The following PPFIA3 variants were observed in gnomAD, a reference collection of about 807,000 sequenced individuals.
PPFIA3 encodes the protein PPFI scaffold protein A3.
Under a neutral mutation model 145.8 loss-of-function variants are expected in PPFIA3, and 26 were observed. The ratio of observed to expected loss-of-function variants is 0.18; its 90% confidence interval spans 0.13 to 0.25. PPFIA3 has a LOEUF of 0.25. Ranked by LOEUF, PPFIA3 falls within the 10% of genes least tolerant of loss-of-function variation. The pLI is 1.00. For synonymous variants in PPFIA3, 645 were observed against 661.4 expected (o/e 0.98, Z 0.38); for missense variants, 1,008 against 1,587.8 (o/e 0.63, Z 6.21).
rs572223315 is a variant in PPFIA3 at position 49,136,569 on chromosome 19, ACT to A, written c.1666-152_1666-151del. Among the ~76,000 whole-genome samples, 7 of 152,128 alleles carry A rather than the reference ACT, an allele frequency of 4.6e-5. No individual in the cohort carries two copies. In the East Asian group the frequency reaches 1.2e-3, roughly 25 times the overall value. Reference sequence around the variant, plus strand: ...ACTCCAGCCTGGGCGACAGAATGAGACTCTGTCTCAAGAAAAAATAAATAAAA... The same window carrying A: ...ACTCCAGCCTGGGCGACAGAATGAGACTGTCTCAAGAAAAAATAAATAAAA... On this transcript the variant is annotated intron_variant, in intron 14 of 29. Transcript: ENST00000334186.
In PPFIA3 at chr19:49,134,711, C is replaced by T. The variant is rs779411322; in HGVS notation, c.1440+10C>T. On this transcript the variant is annotated intron_variant, in intron 12 of 29. Coordinates refer to ENST00000334186, the MANE Select transcript of PPFIA3 (RefSeq NM_003660.4). Reference sequence around the variant, plus strand: ...GTTGCTGCTAAACAAGGTAGGGGGCCCTGAGGGGACAGGAGGAGGATGTTG... The same window carrying T: ...GTTGCTGCTAAACAAGGTAGGGGGCTCTGAGGGGACAGGAGGAGGATGTTG... 6 of 1,613,548 alleles carry T rather than the reference C, an allele frequency of 3.7e-6. No homozygotes were observed. The African/African-American group carries it at 8.0e-5, about 22-fold the overall frequency.
Position 49,133,009 on chromosome 19 carries a change from G to A in PPFIA3, c.888G>A (p.Ala296=). The A allele has an allele frequency of 6.2e-7, 1 of 1,611,492 alleles. No homozygotes were observed. The highest frequency in any genetic ancestry group is 8.5e-7 in the Non-Finnish European group (1 of 1,179,510). The change falls in exon 8 of 30, where the codon GCG becomes GCA. Residue 296 remains alanine (A), a synonymous_variant. Transcript: ENST00000334186. The surrounding 1 kb of genome is among the most constrained non-coding windows in gnomAD (Gnocchi z 7.2). Reference sequence around the variant, plus strand: ...CTTTGCTACCTCCGCAGGCGCTGGCGCAGCGGGAAGATATGGAGGAGCGGA... The same window carrying A: ...CTTTGCTACCTCCGCAGGCGCTGGCACAGCGGGAAGATATGGAGGAGCGGA... The part of the protein sequence containing the change: ...KLQRDLKEAL[A]QREDMEERIT...
In PPFIA3 at chr19:49,148,976, G is replaced by A. The variant is rs1373818832; in HGVS notation, c.3110-17G>A. ...GGCCACGGGAGGGGCACGGCTGAGG[G>A]TCCCTTCCGTCCCCAGACGTGATGG... On this transcript the variant is annotated splice_polypyrimidine_tract_variant and intron_variant, in intron 25 of 29. Transcript: ENST00000334186. 1 of 1,611,722 alleles carries A rather than the reference G, an allele frequency of 6.2e-7. No homozygotes were observed. The highest frequency in any genetic ancestry group is 2.2e-5 in the East Asian group (1 of 44,866).
intron 18 of PPFIA3, among the ~76,000 whole-genome samples, chr19:49,140,647 T>C (rs2041208971): frequency 8.1e-6 from 1 of 123,552 alleles, no homozygotes; most frequent in Non-Finnish European, 1.7e-5. Context: ...ACCTTTTTTT[T>C]TTTTTTTTTT....
At position 49,134,141 on chromosome 19, in the gene PPFIA3, G is replaced by C. The variant is rs774937474; in HGVS notation, c.1353G>C (p.Glu451Asp). ...SNERLQLHLK[E>D]RMGALEEKNS... ...AGCGCTTACAGCTTCACCTCAAGGA[G>C]CGCATGGGGGCGCTGGAGGAGAAGG... Residue 451 changes from glutamate (E) to aspartate (D), a missense_variant, in exon 11 of 30, where the codon GAG becomes GAC. By Grantham distance (45) the Glu-to-Asp change is conservative. Around this residue, in one of 11 missense-constraint regions of PPFIA3, gnomAD observed 1 missense variants for 19.3 expected, o/e 0.05. Transcript: ENST00000334186. The C allele has an allele frequency of 6.2e-7, 1 of 1,611,638 alleles. No individual in the cohort carries two copies. The highest frequency in any genetic ancestry group is 8.5e-7 in the Non-Finnish European group (1 of 1,179,216).
chr19:49,140,005 G>A lies in PPFIA3; in HGVS notation c.2285G>A (p.Ser762Asn). 1 of 1,614,192 alleles carries A rather than the reference G, an allele frequency of 6.2e-7. No homozygotes were observed. The highest frequency in any genetic ancestry group is 8.5e-7 in the Non-Finnish European group (1 of 1,180,032). ...CTGCACAAAGCCCCCAAGAAGAAGA[G>A]CATCAAGTCATCCATAGGCCGTCTC... ...DSLHKAPKKK[S>N]IKSSIGRLFG... The change falls in exon 18 of 30, where the codon AGC becomes AAC. Residue 762 changes from serine (S) to asparagine (N), a missense_variant. Transcript: ENST00000334186.
intron 23 of PPFIA3, 120 bp downstream of exon 23, chr19:49,146,312 G>C (rs922952457): frequency 1.6e-6 from 2 of 1,275,800 alleles, no homozygotes; most frequent in Non-Finnish European, 1.1e-6. Context: ...ATGGGGGGGC[G>C]CTGCGCCAAG....
At chr19:49,129,952 C>G (rs1211805931) in intron 5 of PPFIA3, 41 bp from the exon 6 acceptor site, 2 of 1,600,718 alleles carry the variant, frequency 1.2e-6, no homozygotes, top group Non-Finnish European at 1.7e-6. Context: ...GCTGGGGGTT[C>G]AGGGAGCCCC....
In PPFIA3 at chr19:49,145,970, G is replaced by A. The variant is rs2041275020; in HGVS notation, c.2773G>A (p.Glu925Lys). Residue 925 changes from glutamate (E) to lysine (K), a missense_variant, in exon 22 of 30, where the codon GAG (glutamate) becomes AAG (lysine). Glu to Lys is a moderately conservative substitution (Grantham distance 56, BLOSUM62 1). This residue lies in a region of PPFIA3 where 154 missense variants were observed against 369.2 expected (regional missense o/e 0.42). Transcript: ENST00000334186. ...TSTGNVWMTH[E>K]EMESLTATTK... is the part of the protein sequence containing the mutation. ...CACAGGAAACGTGTGGATGACACAC[G>A]AGGAGATGGAGTCCCTTACGGCCAC... is the stretch of plus-strand genomic sequence containing the variant. 2 of 1,614,058 alleles carry A rather than the reference G, an allele frequency of 1.2e-6. No individual in the cohort carries two copies. Among genetic ancestry groups the A allele is most frequent in the South Asian group, 1.1e-5 (1 of 91,078 alleles).
chr19:49,132,505 G>C (rs1199562589), intron 7 of PPFIA3, among the ~76,000 whole-genome samples: 1 of 151,394 alleles, frequency 6.6e-6, no homozygotes, highest in African/African-American at 2.4e-5. Context: ...CACCACGTGG[G>C]CTACCAGATG....
Position 49,135,908 on chromosome 19 carries a change from G to C in PPFIA3, c.1650G>C (p.Lys550Asn). 1 of 1,612,226 alleles carries C rather than the reference G, an allele frequency of 6.2e-7. No homozygotes were observed. The highest frequency in any genetic ancestry group is 8.5e-7 in the Non-Finnish European group (1 of 1,179,212). Residue 550 changes from lysine (K) to asparagine (N), a missense_variant, in exon 14 of 30, where the codon AAG becomes AAC. This residue lies in a region of PPFIA3 where 121 missense variants were observed against 138.2 expected (regional missense o/e 0.88). Transcript: ENST00000334186. ...AGAGGGGCCGCTGGTCAGGGGTCAA[G>C]GAGGAGCCCTCCAAGGTCAGCAGCT... ...AGKRGRWSGV[K>N]EEPSKDWERS...
intron 1 of PPFIA3, among the ~76,000 whole-genome samples, chr19:49,123,944 C>G (rs948226343): frequency 2.6e-5 from 4 of 152,150 alleles, no homozygotes; most frequent in Non-Finnish European, 5.9e-5. Flanking sequence ...GCTCTCTCTT[C>G]TTCTGGAGCC....
chr19:49,147,039 GGAGGC>G (rs113284192), intron 23 of PPFIA3, among the ~76,000 whole-genome samples: 2 of 152,318 alleles, frequency 1.3e-5, no homozygotes, highest in African/African-American at 4.8e-5. Flanking sequence ...CCAGCCAGGG[GGAGGC>G]GTGGATTTTG....
chr19:49,125,877 C>T (rs1194997916), intron 1 of PPFIA3, among the ~76,000 whole-genome samples: 1 of 150,232 alleles, frequency 6.7e-6, no homozygotes, highest in Non-Finnish European at 1.5e-5. Context: ...ACTTCTGGGT[C>T]GTGAAGAGGG....
intron 23 of PPFIA3, 91 bp downstream of exon 23, chr19:49,146,283 A>G: frequency 2.3e-5 from 34 of 1,460,464 alleles, no homozygotes; most frequent in Non-Finnish European, 3.1e-5. Flanking sequence ...TGCCTTCACC[A>G]GAACATGCCA....
At chr19:49,132,165 A>T (rs1235876956) in intron 7 of PPFIA3, among the ~76,000 whole-genome samples, 1 of 151,878 alleles carries the variant, frequency 6.6e-6, no homozygotes, top group Admixed American at 6.6e-5. Flanking sequence ...AGGCAGGCAC[A>T]TCACCTGAGG....
rs1214930043 is a variant in PPFIA3, at chr19:49,141,363, G to T, written c.2369-57G>T. ...GCATTTTCCTCATCACCTCCAGCAT[G>T]AAAGATTCTGCCTCCCCCTTGAGAT... On this transcript the variant is annotated intron_variant, in intron 18 of 29. Transcript: ENST00000334186. 5.1e-6 allele frequency: 7 copies of T among 1,375,608 alleles called. No individual in the cohort carries two copies. Among genetic ancestry groups the T allele is most frequent in the Non-Finnish European group, 7.2e-6 (7 of 968,354 alleles). The allele number at this position is 1,375,608 out of a possible 1,614,324, so 85.2% of individuals were successfully genotyped here.
rs776471792 is a variant in PPFIA3 at position 49,134,172 on chromosome 19, C to A, written c.1377+7C>A. 3 of 1,605,560 alleles carry A rather than the reference C, an allele frequency of 1.9e-6. No individual in the cohort carries two copies. Among genetic ancestry groups the A allele is most frequent in the Non-Finnish European group, 2.5e-6 (3 of 1,176,692 alleles). On this transcript the variant is annotated splice_region_variant and intron_variant, in intron 11 of 29. Transcript: ENST00000334186. ...GGGGGCGCTGGAGGAGAAGGTGCGC[C>A]CCCCATACAGGACTGCGGGACGCGG...
chr19:49,141,601 A>C (rs766650758), intron 19 of PPFIA3, 88 bp downstream of exon 19: 1 of 822,908 alleles, frequency 1.2e-6, no homozygotes, highest in African/African-American at 1.8e-5. Context: ...TGTGTGTATG[A>C]GTGTGTGTGT....
Sources: allele counts gnomAD v4.1 joint callset (sites outside exome capture counted in the v4.1 genomes callset), GRCh38; gene constraint gnomAD v4.1.1; regional missense constraint gnomAD v4.1.1; non-coding constraint Gnocchi (gnomAD v3.1); transcripts MANE v1.5; gene names NCBI Gene and HGNC (gene_info 2026-07-23, HGNC 2026-07-21).